Variants in ATG9B observed in about 807,000 individuals in gnomAD.
ATG9B encodes autophagy-related protein 9B.
A neutral mutation model predicts 92.9 loss-of-function variants in ATG9B; 92 were observed. That is an observed-to-expected ratio of 0.99 (90% CI 0.84 to 1.18). ATG9B has a LOEUF of 1.18. Among genes scored for constraint, ATG9B ranks in the 50% most tolerant of loss-of-function variants. The probability of loss-of-function intolerance (pLI) is 0.00; values close to 1 mark genes in which losing one functional copy is unlikely to be tolerated. For synonymous variants in ATG9B, 599 were observed against 551.4 expected (o/e 1.09, Z -1.21); for missense variants, 1,344 against 1,235.0 (o/e 1.09, Z -1.32).
Position 151,018,036 on chromosome 7 carries a change from CT to C in ATG9B, c.1886del (p.Glu629GlyfsTer49), listed in dbSNP as rs2117159439. 6.3e-7 allele frequency: 1 copy of C among 1,589,546 alleles called. No homozygotes were observed. Among genetic ancestry groups the C allele is most frequent in the Non-Finnish European group, 8.6e-7 (1 of 1,167,372 alleles). ...LLQYRAVSLL[E>X]ELLSPLLTPL... ...GGGTGAGGAGCGGGGACAGGAGCTCCTCCAGGAGGGAGACCTGGGGAAGCAG... is the reference window on the plus strand; with the variant it reads ...GGGTGAGGAGCGGGGACAGGAGCTCCCCAGGAGGGAGACCTGGGGAAGCAG... On this transcript the variant is annotated frameshift_variant, in exon 8 of 14. Coordinates refer to ENST00000639579, the MANE Select transcript of ATG9B (RefSeq NM_001317056.2). LOFTEE classifies it high-confidence loss of function. This position sits in a 1 kb window ranked among gnomAD's most constrained non-coding sequence, Gnocchi z 4.7.
At position 151,023,202 on chromosome 7, in the gene ATG9B, A is replaced by G. The variant is rs370859353; in HGVS notation, c.664T>C (p.Phe222Leu). Reference sequence around the variant, plus strand: ...GTTGTGAAGGTGACAATGAAAATAAATTGTCTGCCGGGAGGAAGGGGGGGT... The same window carrying G: ...GTTGTGAAGGTGACAATGAAAATAAGTTGTCTGCCGGGAGGAAGGGGGGGT... ...LLEDVFQLGQ[F>L]IFIVTFTTFL... is the part of the protein sequence containing the mutation. The change falls in exon 4 of 14, where the codon TTT becomes CTT. Residue 222 changes from phenylalanine (F) to leucine (L), a missense_variant. Phe to Leu is a conservative substitution (Grantham distance 22). Coordinates refer to ENST00000639579, the MANE Select transcript of ATG9B (RefSeq NM_001317056.2). 3 of 1,614,068 alleles carry G rather than the reference A, an allele frequency of 1.9e-6. No individual in the cohort carries two copies. The South Asian group carries it at 3.3e-5, about 18-fold the overall frequency.
rs1009139526 is a variant in ATG9B at position 151,016,463 on chromosome 7, C to T, written c.2488G>A (p.Glu830Lys). 1.8e-5 allele frequency: 28 copies of T among 1,551,362 alleles called. No homozygotes were observed. Among genetic ancestry groups the T allele is most frequent in the African/African-American group, 5.5e-5 (4 of 73,036 alleles). ...LAQLPELASAEMSLHVIYLHQ... is the reference protein window; with the variant it reads ...LAQLPELASAKMSLHVIYLHQ... ...AGGTAGATGACATGGAGACTCATCT[C>T]GGCAGAAGCAAGTTCTGGGAGCTGG... The change falls in exon 11 of 14, where the codon GAG becomes AAG. Residue 830 changes from glutamate to lysine, a missense_variant. Coordinates refer to ENST00000639579, the MANE Select transcript of ATG9B (RefSeq NM_001317056.2).
chr7:151,019,041 C>T lies in ATG9B; in HGVS notation c.1297G>A (p.Ala433Thr). 6.5e-7 allele frequency: 1 copy of T among 1,541,812 alleles called. No individual in the cohort carries two copies. Among genetic ancestry groups the T allele is most frequent in the Non-Finnish European group, 8.7e-7 (1 of 1,148,738 alleles). The change falls in exon 6 of 14, where the codon GCG becomes ACG. Residue 433 changes from alanine to threonine, a missense_variant. Transcript: ENST00000639579. ...AGCAGCACTGTGCGCCCCCAGCGCGCTGCTAGGGCGCCCCGCTGGTCGCTG... is the reference window on the plus strand; with the variant it reads ...AGCAGCACTGTGCGCCCCCAGCGCGTTGCTAGGGCGCCCCGCTGGTCGCTG... ...KRSDQRGALA[A>T]RWGRTVLLLA...
rs765780611 is a variant in ATG9B, at chr7:151,024,209, C to A, written c.215G>T (p.Gly72Val). The A allele has an allele frequency of 6.6e-5, 98 of 1,488,656 alleles. No homozygotes were observed. The South Asian group carries it at 1.4e-3, about 21-fold the overall frequency. The allele number at this position is 1,488,656 out of a possible 1,614,324, so 92.2% of individuals were successfully genotyped here. ...SPSSFSPPTA[G>V]PPCSVLQGTG... ...CCCCTGTAGCACTGAGCAAGGGGGC[C>A]CTGCGGTGGGAGGGGAAAATGAGGA... The change falls in exon 1 of 14, where the codon GGG (glycine) becomes GTG (valine). Residue 72 changes from glycine (G) to valine (V), a missense_variant. Transcript: ENST00000639579.
At chr7:151,017,799 T>C in intron 8 of ATG9B, 72 bp downstream of exon 8, 1 of 1,454,518 alleles carries the variant, frequency 6.9e-7, no homozygotes, top group South Asian at 1.4e-5. Flanking sequence ...GGGCTGGAAC[T>C]CAGGTCTGCT....
chr7:151,013,485 C>A (rs2117141080), downstream of ATG9B: 1 of 1,408,408 alleles, frequency 7.1e-7, no homozygotes, highest in East Asian at 2.4e-5. Flanking sequence ...TGGCCTCCCA[C>A]GACCACTCAG....
chr7:151,016,652 T>A (rs3800788), intron 10 of ATG9B, 36 bp downstream of exon 10: 18 of 1,544,332 alleles, frequency 1.2e-5, no homozygotes, highest in Admixed American at 4.0e-5. Flanking sequence ...CCCACCCCCC[T>A]CCACATGCCC....
At position 151,021,283 on chromosome 7, in the gene ATG9B, CG is replaced by C. The variant is rs765626055; in HGVS notation, c.867del (p.Gly290AlafsTer35). On this transcript the variant is annotated frameshift_variant, in exon 5 of 14. Transcript: ENST00000639579. LOFTEE classifies it high-confidence loss of function. ...CGAAGCAGTTGGACCAGCCAGAAGCCGGCAGCCAGGACCAGGAGGAGGACCA... is the reference window on the plus strand; with the variant it reads ...CGAAGCAGTTGGACCAGCCAGAAGCCGCAGCCAGGACCAGGAGGAGGACCA... ...PLLVLLLVLAAGFWLVQLLRS... is the reference protein window; with the variant it reads ...PLLVLLLVLAXGFWLVQLLRS... The C allele has an allele frequency of 6.2e-7, 1 of 1,613,314 alleles. No homozygotes were observed. Among genetic ancestry groups the C allele is most frequent in the South Asian group, 1.1e-5 (1 of 91,042 alleles).
Position 151,018,464 on chromosome 7 carries a change from G to A in ATG9B, c.1719-17C>T. 7 of 1,521,264 alleles carry A rather than the reference G, an allele frequency of 4.6e-6. No homozygotes were observed. Among genetic ancestry groups the A allele is most frequent in the Non-Finnish European group, 6.2e-6 (7 of 1,135,522 alleles). The allele number at this position is 1,521,264 out of a possible 1,614,324, so 94.2% of individuals were successfully genotyped here. On this transcript the variant is annotated splice_polypyrimidine_tract_variant and intron_variant, in intron 6 of 13. Coordinates refer to ENST00000639579, the MANE Select transcript of ATG9B (RefSeq NM_001317056.2). This position sits in a 1 kb window ranked among gnomAD's most constrained non-coding sequence, Gnocchi z 4.7. ...ATGAAAGACCTGAAAGGCGGGATCCGTGGGGGGAAGGGGCCTGCGATTAGG... is the reference window on the plus strand; with the variant it reads ...ATGAAAGACCTGAAAGGCGGGATCCATGGGGGGAAGGGGCCTGCGATTAGG...
chr7:151,019,483 G>A, intron 5 of ATG9B, 109 bp from the exon 6 acceptor site: 2 of 1,391,070 alleles, frequency 1.4e-6, no homozygotes, highest in Non-Finnish European at 1.9e-6. Flanking sequence ...CTGAGTTTGC[G>A]ATCACAAACT....
chr7:151,017,489 C>T (rs377711959), intron 8 of ATG9B, among the ~76,000 whole-genome samples: 10 of 152,312 alleles, frequency 6.6e-5, no homozygotes, highest in African/African-American at 2.2e-4. Flanking sequence ...GGCTGAGCCT[C>T]AGTGCTTTGC....
In ATG9B at chr7:151,023,123, T is replaced by A. The variant is rs761606960; in HGVS notation, c.743A>T (p.Asn248Ile). The A allele has an allele frequency of 6.2e-7, 1 of 1,614,080 alleles. No homozygotes were observed. Among genetic ancestry groups the A allele is most frequent in the South Asian group, 1.1e-5 (1 of 91,074 alleles). ...GTGGAACGGCCCAGGTCTGGTATGGTTACTTGGTTGGTTGGCAAAGAGAAC... is the reference window on the plus strand; with the variant it reads ...GTGGAACGGCCCAGGTCTGGTATGGATACTTGGTTGGTTGGCAAAGAGAAC... ...YNVLFANQPS[N>I]HTRPGPFHSK... The change falls in exon 4 of 14, where the codon AAC becomes ATC. Residue 248 changes from asparagine to isoleucine, a missense_variant. Physicochemically the swap from Asn to Ile is moderately radical, Grantham distance 149. Coordinates refer to ENST00000639579, the MANE Select transcript of ATG9B (RefSeq NM_001317056.2).
chr7:151,020,656 A>G (rs77556533), intron 5 of ATG9B, among the ~76,000 whole-genome samples: 1,869 of 152,360 alleles, frequency 0.012, 36 homozygotes, highest in African/African-American at 0.042. Flanking sequence ...TGGTGAGGAA[A>G]CAAAGGGCAG....
Position 151,015,954 on chromosome 7 carries a change from C to T in ATG9B, c.2717G>A (p.Gly906Glu), listed in dbSNP as rs187407160. 1.9e-3 allele frequency: 2,906 copies of T among 1,551,654 alleles called. 9 individuals are homozygous for T. The highest frequency in any genetic ancestry group is 2.1e-3 in the Non-Finnish European group (2,428 of 1,146,982). Residue 906 changes from glycine to glutamate, a missense_variant, in exon 13 of 14, where the codon GGG (glycine) becomes GAG (glutamate). Coordinates refer to ENST00000639579, the MANE Select transcript of ATG9B (RefSeq NM_001317056.2). ...TQKARNLFPG[G>E]FQVTTDTQKE... ...CTGGGTGTCTGTGGTCACCTGAAAC[C>T]CTCCGGGGAACAGATTCCGGGCCTT... is the stretch of plus-strand genomic sequence containing the variant.
downstream of ATG9B, chr7:151,014,410 C>G (rs1290980021): frequency 2.0e-6 from 1 of 493,688 alleles, no homozygotes; most frequent in African/African-American, 2.0e-5. Flanking sequence ...CAGCGGTACC[C>G]CAGGGCCTAC....
downstream of ATG9B, chr7:151,013,059 G>T (rs1795341448): frequency 2.8e-6 from 2 of 706,758 alleles, no homozygotes; most frequent in African/African-American, 3.6e-5. Flanking sequence ...TCAGGGCTGT[G>T]CAGGGTCTCT....
Position 151,017,261 on chromosome 7 carries a change from C to A in ATG9B, c.2064G>T (p.Ala688=). The A allele has an allele frequency of 6.3e-7, 1 of 1,592,876 alleles. No individual in the cohort carries two copies. Among genetic ancestry groups the A allele is most frequent in the Non-Finnish European group, 8.6e-7 (1 of 1,166,758 alleles). Residue 688 remains alanine (A), a synonymous_variant, in exon 9 of 14, where the codon GCG becomes GCT. Coordinates refer to ENST00000639579, the MANE Select transcript of ATG9B (RefSeq NM_001317056.2). ...KRHGHPQWLS[A]GQTEASLSQR... ...GAGACAGCGAGGCCTCAGTCTGTCC[C>A]GCCGAGAGCCACTGTGAGCAAGGAC...
At chr7:151,012,347 C>T, downstream of ATG9B, 1 of 1,555,086 alleles carries the variant, frequency 6.4e-7, no homozygotes, top group South Asian at 1.2e-5. Flanking sequence ...GTCTCTCCTG[C>T]CAGGGCTCCC....
At chr7:151,012,811 G>T (rs1425342082), downstream of ATG9B, 4 of 339,660 alleles carry the variant, frequency 1.2e-5, no homozygotes, top group Non-Finnish European at 2.2e-5. Context: ...AAGACCTAAG[G>T]ATGCTACAAG....
Sources: gnomAD v4.1 joint callset for allele counts (sites outside exome capture counted in the v4.1 genomes callset) on GRCh38, gnomAD v4.1.1 for gene constraint, Gnocchi (gnomAD v3.1) non-coding constraint, MANE v1.5 for transcripts, NCBI Gene and HGNC (gene_info 2026-07-23, HGNC 2026-07-21) for gene names.